ANGPT1: variants seen among roughly 807,000 people sequenced by gnomAD.
ANGPT1 encodes angiopoietin 1.
In ANGPT1, 17 loss-of-function variants were observed where a neutral mutation model predicts 62.2. The observed-to-expected ratio is 0.27, with a 90% confidence interval of 0.19 to 0.41. The LOEUF is 0.41. ANGPT1 is among the 10% of genes least tolerant of loss of function. The pLI, the probability that ANGPT1 is intolerant of heterozygous loss-of-function variation, is 1.00. For missense variants in ANGPT1, 478 were observed against 594.9 expected, an observed-to-expected ratio of 0.80 and a Z score of 2.04; for synonymous variants, 199 against 198.9, an observed-to-expected ratio of 1.00 and a Z score of 0.00.
At chr8:107,458,073 A>G (rs1297079869) in intron 1 of ANGPT1, among the ~76,000 whole-genome samples, 2 of 152,150 alleles carry the variant, frequency 1.3e-5, no homozygotes, top group Admixed American at 1.3e-4. Flanking sequence ...ACTGATGGCC[A>G]AGTTGGGATT....
intron 1 of ANGPT1, among the ~76,000 whole-genome samples, chr8:107,431,540 T>G (rs1027205558): frequency 6.6e-6 from 1 of 152,202 alleles, no homozygotes; most frequent in Non-Finnish European, 1.5e-5. Flanking sequence ...ACAGGCCACA[T>G]GCCCTCTTCC....
intron 1 of ANGPT1, among the ~76,000 whole-genome samples, chr8:107,402,923 T>C (rs984754660): frequency 3.9e-5 from 6 of 152,202 alleles, no homozygotes; most frequent in Admixed American, 3.3e-4. Flanking sequence ...TTTAGTACAT[T>C]TAGTAATGAA....
At chr8:107,357,585 A>T (rs563844129) in intron 1 of ANGPT1, among the ~76,000 whole-genome samples, 63 of 152,166 alleles carry the variant, frequency 4.1e-4, no homozygotes, top group Non-Finnish European at 7.6e-4. Context: ...CTTCTAAGAA[A>T]CATTTTCTGC....
intron 1 of ANGPT1, among the ~76,000 whole-genome samples, chr8:107,411,560 T>C (rs1267838052): frequency 6.6e-5 from 10 of 152,170 alleles, no homozygotes; most frequent in Non-Finnish European, 2.9e-5. Flanking sequence ...TAGAAAAAAT[T>C]ATAGTTATTC....
chr8:107,373,894 A>C (rs961188743), intron 1 of ANGPT1, among the ~76,000 whole-genome samples: 1 of 152,256 alleles, frequency 6.6e-6, no homozygotes, highest in Non-Finnish European at 1.5e-5. Context: ...GAAATGACTT[A>C]GTTAAGAAGA....
chr8:107,471,737 C>T (rs1351215953), intron 1 of ANGPT1, among the ~76,000 whole-genome samples: 1 of 151,988 alleles, frequency 6.6e-6, no homozygotes, highest in Non-Finnish European at 1.5e-5. Flanking sequence ...CTTAGCTTAG[C>T]TATTCTCAGA....
At chr8:107,476,186 A>C (rs751379670) in intron 1 of ANGPT1, among the ~76,000 whole-genome samples, 18 of 152,206 alleles carry the variant, frequency 1.2e-4, no homozygotes, top group African/African-American at 1.9e-4. Flanking sequence ...GAACCAACCC[A>C]AATGCCCATC....
intron 8 of ANGPT1, among the ~76,000 whole-genome samples, chr8:107,253,190 A>G (rs186852424): frequency 3.3e-4 from 50 of 152,344 alleles, no homozygotes; most frequent in Admixed American, 1.2e-3. Flanking sequence ...ATGAATTTGG[A>G]AAGACATTAT....
intron 1 of ANGPT1, among the ~76,000 whole-genome samples, chr8:107,364,789 G>T (rs1487487336): frequency 6.6e-6 from 1 of 152,168 alleles, no homozygotes; most frequent in Non-Finnish European, 1.5e-5. Flanking sequence ...TTCTCCTTGA[G>T]CAATTTTAAT....
At chr8:107,356,939 C>T (rs1369532511) in intron 1 of ANGPT1, among the ~76,000 whole-genome samples, 1 of 152,186 alleles carries the variant, frequency 6.6e-6, no homozygotes, top group Non-Finnish European at 1.5e-5. Context: ...CATTTAATAA[C>T]ATATATAAGA....
intron 8 of ANGPT1, among the ~76,000 whole-genome samples, chr8:107,256,412 C>T (rs1813357487): frequency 6.6e-6 from 1 of 152,150 alleles, no homozygotes; most frequent in Non-Finnish European, 1.5e-5. Context: ...CTTTTAAACA[C>T]AAATCCTGAA....
At chr8:107,329,876 A>G (rs1815380330) in intron 3 of ANGPT1, among the ~76,000 whole-genome samples, 1 of 152,134 alleles carries the variant, frequency 6.6e-6, no homozygotes, top group African/African-American at 2.4e-5. Context: ...ACAGCCTAAT[A>G]GTATGGATAT....
chr8:107,311,812 C>T (rs1465403736), intron 4 of ANGPT1, among the ~76,000 whole-genome samples: 2 of 152,034 alleles, frequency 1.3e-5, no homozygotes, highest in Non-Finnish European at 2.9e-5. Context: ...CGCCTGTAAT[C>T]CCAGCACTCT....
At chr8:107,267,247 A>C (rs1038106440) in intron 7 of ANGPT1, among the ~76,000 whole-genome samples, 11 of 152,070 alleles carry the variant, frequency 7.2e-5, no homozygotes, top group Non-Finnish European at 1.6e-4. Flanking sequence ...TTCAAATACA[A>C]ATTTGTGACC....
chr8:107,369,444 G>A (rs1380813145), intron 1 of ANGPT1, among the ~76,000 whole-genome samples: 3 of 152,090 alleles, frequency 2.0e-5, no homozygotes, highest in Non-Finnish European at 4.4e-5. Flanking sequence ...CTTAACATTT[G>A]TGTATTCACT....
At chr8:107,338,181 G>A (rs1340397890) in intron 2 of ANGPT1, among the ~76,000 whole-genome samples, 5 of 152,206 alleles carry the variant, frequency 3.3e-5, no homozygotes, top group African/African-American at 9.6e-5. Context: ...AGTAGGGGAT[G>A]TATTTGAAGG....
At chr8:107,341,226 A>G (rs1437397591) in intron 2 of ANGPT1, among the ~76,000 whole-genome samples, 1 of 152,194 alleles carries the variant, frequency 6.6e-6, no homozygotes, top group East Asian at 1.9e-4. Context: ...CTGCCACAAT[A>G]TTCCATTCAA....
intron 1 of ANGPT1, among the ~76,000 whole-genome samples, chr8:107,362,755 T>A (rs961167875): frequency 6.6e-6 from 1 of 152,088 alleles, no homozygotes; most frequent in Admixed American, 6.6e-5. Context: ...GAAAAGAAAT[T>A]ATACATTTGC....
chr8:107,325,894 T>C (rs1190391629), intron 3 of ANGPT1, among the ~76,000 whole-genome samples: 1 of 152,110 alleles, frequency 6.6e-6, no homozygotes, highest in Non-Finnish European at 1.5e-5. Context: ...TTTTTCAGGA[T>C]AACTTGGAAA....
Sources: allele counts gnomAD v4.1 joint callset (sites outside exome capture counted in the v4.1 genomes callset), GRCh38; gene constraint gnomAD v4.1.1; transcripts MANE v1.5; gene names NCBI Gene and HGNC (gene_info 2026-07-23, HGNC 2026-07-21).